The following TNIK variants were observed in gnomAD, a reference collection of about 807,000 sequenced individuals.
TNIK encodes the protein TRAF2 and NCK interacting kinase.
In TNIK, 49 loss-of-function variants were observed where a neutral mutation model predicts 191.3. The observed-to-expected ratio is 0.26, with a 90% CI of 0.20 to 0.32. The LOEUF (loss-of-function observed/expected upper bound fraction) is 0.32. Ranked by LOEUF, TNIK falls within the 10% of genes least tolerant of loss-of-function variation. The pLI, the probability that TNIK is intolerant of heterozygous loss-of-function variation, is 1.00. For synonymous variants in TNIK, 594 were observed against 600.9 expected (o/e 0.99, Z 0.17); for missense variants, 1,155 against 1,702.3 (o/e 0.68, Z 5.66).
chr3:171,312,363 GTATAT>G (rs1754136290), intron 2 of TNIK, among the ~76,000 whole-genome samples: 1 of 151,814 alleles, frequency 6.6e-6, no homozygotes, highest in African/African-American at 2.4e-5. Context: ...ACTATATGTA[GTATAT>G]TATTTTAAAT....
intron 2 of TNIK, among the ~76,000 whole-genome samples, chr3:171,312,555 A>G (rs935841122): frequency 7.2e-5 from 11 of 152,150 alleles, no homozygotes; most frequent in South Asian, 2.1e-4. Context: ...TGGGTATCCA[A>G]TGGGTCAGAA....
intron 2 of TNIK, among the ~76,000 whole-genome samples, chr3:171,275,896 C>A (rs954098958): frequency 1.2e-4 from 15 of 127,588 alleles, no homozygotes; most frequent in African/African-American, 4.4e-4. Context: ...GACTCCGTCT[C>A]AAAATAAATA....
At chr3:171,127,928 A>C (rs1728706049) in intron 16 of TNIK, among the ~76,000 whole-genome samples, 1 of 152,242 alleles carries the variant, frequency 6.6e-6, no homozygotes, top group Non-Finnish European at 1.5e-5. Flanking sequence ...TTGGCAGAAG[A>C]AACTACATTA....
intron 2 of TNIK, among the ~76,000 whole-genome samples, chr3:171,238,618 A>T (rs1290756287): frequency 6.6e-6 from 1 of 152,186 alleles, no homozygotes; most frequent in Admixed American, 6.5e-5. Context: ...CCCTTCCCCA[A>T]CAAGCAATAA....
At chr3:171,081,218 G>C (rs373293497) in intron 27 of TNIK, among the ~76,000 whole-genome samples, 20 of 152,098 alleles carry the variant, frequency 1.3e-4, no homozygotes, top group African/African-American at 4.8e-4. Context: ...ACCTTATTTG[G>C]GGAGAATAAA....
intron 3 of TNIK, among the ~76,000 whole-genome samples, chr3:171,222,637 A>T (rs1181815494): frequency 6.6e-6 from 1 of 152,130 alleles, no homozygotes; most frequent in Non-Finnish European, 1.5e-5. Flanking sequence ...TTTTTGTGCA[A>T]TTTCAGCAAG....
At chr3:171,098,780 T>G (rs774535750) in intron 22 of TNIK, among the ~76,000 whole-genome samples, 15 of 152,294 alleles carry the variant, frequency 9.8e-5, no homozygotes, top group Non-Finnish European at 2.2e-4. Flanking sequence ...CCCCAAATAC[T>G]CAATTCCTAA....
intron 18 of TNIK, among the ~76,000 whole-genome samples, chr3:171,117,802 C>G (rs1286283147): frequency 6.6e-6 from 1 of 152,110 alleles, no homozygotes; most frequent in Non-Finnish European, 1.5e-5. Flanking sequence ...AACCCCGTCT[C>G]TACTAAAAAT....
intron 21 of TNIK, among the ~76,000 whole-genome samples, chr3:171,103,730 TTATCTC>T (rs1389055783): frequency 6.6e-6 from 1 of 152,088 alleles, no homozygotes. Flanking sequence ...TTAAAAGAGT[TTATCTC>T]TATTGTTAAT....
intron 4 of TNIK, among the ~76,000 whole-genome samples, chr3:171,206,245 GTA>G (rs1415460215): frequency 2.0e-5 from 3 of 150,372 alleles, no homozygotes; most frequent in Non-Finnish European, 4.4e-5. Flanking sequence ...TACTAGCCAT[GTA>G]TATATATGAT....
Position 171,066,092 on chromosome 3 carries a change from T to A in TNIK, c.3999+95A>T, listed in dbSNP as rs1718401928. The A allele has an allele frequency of 2.0e-6, 3 of 1,476,094 alleles. No homozygotes were observed. The African/African-American group carries it at 4.2e-5, about 21-fold the overall frequency. The allele number at this position is 1,476,094 out of a possible 1,614,324, so 91.4% of individuals were successfully genotyped here. The stretch of plus-strand genomic sequence containing the variant: ...TAATATTGATTGTTTAACACAGATG[T>A]GATTCAAATCAGTATAAAGGAAAAT... On this transcript the variant is annotated intron_variant, in intron 32 of 32. Coordinates refer to ENST00000436636, the MANE Select transcript of TNIK (RefSeq NM_015028.4).
At chr3:171,262,971 T>G (rs1336906432) in intron 2 of TNIK, among the ~76,000 whole-genome samples, 1 of 152,186 alleles carries the variant, frequency 6.6e-6, no homozygotes, top group Non-Finnish European at 1.5e-5. Flanking sequence ...ACAGCCCTTT[T>G]CATAGTGCTG....
At chr3:171,135,053 A>C (rs982693338) in intron 15 of TNIK, among the ~76,000 whole-genome samples, 1 of 152,258 alleles carries the variant, frequency 6.6e-6, no homozygotes, top group Non-Finnish European at 1.5e-5. Context: ...GACCCTACAC[A>C]ACAGGAGACG....
Position 171,366,684 on chromosome 3 carries a change from AAAAG to A in TNIK, c.123+2932_123+2935del, listed in dbSNP as rs1251029538. 6.6e-6 allele frequency among the ~76,000 whole-genome samples: 1 copy of A among 152,198 alleles called. No individual in the cohort carries two copies. Among genetic ancestry groups the A allele is most frequent in the Non-Finnish European group, 1.5e-5 (1 of 68,032 alleles). ...TGACTTTATGAAAACCAGGAATGCCAAAAGAGAGACTTTAAAAATTAAAATCAAA... is the reference window on the plus strand; with the variant it reads ...TGACTTTATGAAAACCAGGAATGCCAAGAGACTTTAAAAATTAAAATCAAA... On this transcript the variant is annotated intron_variant, in intron 2 of 32. Transcript: ENST00000436636. The surrounding 1 kb of genome is among the most constrained non-coding windows in gnomAD (Gnocchi z 4.1).
chr3:171,309,495 C>A lies in TNIK; in HGVS notation c.123+60125G>T, dbSNP rs190973831. Reference sequence around the variant, plus strand: ...TGAACAAATAATATGTACACCAAACCCCTGAAGCATGCAATTTATCTGTAG... The same window carrying A: ...TGAACAAATAATATGTACACCAAACACCTGAAGCATGCAATTTATCTGTAG... On this transcript the variant is annotated intron_variant, in intron 2 of 32. Coordinates refer to ENST00000436636, the MANE Select transcript of TNIK (RefSeq NM_015028.4). 2.0e-4 allele frequency among the ~76,000 whole-genome samples: 31 copies of A among 152,148 alleles called. 1 individual carries two copies. The highest frequency in any genetic ancestry group is 1.6e-3 in the Admixed American group (25 of 15,280).
At chr3:171,328,464 G>A (rs1325977999) in intron 2 of TNIK, among the ~76,000 whole-genome samples, 1 of 152,182 alleles carries the variant, frequency 6.6e-6, no homozygotes, top group Non-Finnish European at 1.5e-5. Context: ...TCCAGAGACT[G>A]GGTGATATTT....
intron 3 of TNIK, among the ~76,000 whole-genome samples, chr3:171,219,411 A>G (rs1742004864): frequency 6.6e-6 from 1 of 150,728 alleles, no homozygotes; most frequent in Non-Finnish European, 1.5e-5. Context: ...CACATAATGC[A>G]GCACCTACTA....
At chr3:171,405,635 T>C (rs1472961205) in intron 1 of TNIK, among the ~76,000 whole-genome samples, 1 of 152,082 alleles carries the variant, frequency 6.6e-6, no homozygotes, top group African/African-American at 2.4e-5. Flanking sequence ...ATTATTCTAT[T>C]CCACATAGGA....
At chr3:171,300,550 T>TATAA (rs1437726764) in intron 2 of TNIK, among the ~76,000 whole-genome samples, 14 of 152,074 alleles carry the variant, frequency 9.2e-5, no homozygotes, top group Non-Finnish European at 1.6e-4. Flanking sequence ...GAAAAAAAAA[T>TATAA]CTGTGCTTTC....
Sources: allele counts gnomAD v4.1 joint callset (sites outside exome capture counted in the v4.1 genomes callset), GRCh38; gene constraint gnomAD v4.1.1; non-coding constraint Gnocchi (gnomAD v3.1); transcripts MANE v1.5; gene names NCBI Gene and HGNC (gene_info 2026-07-23, HGNC 2026-07-21).